The following ERC2 variants were observed in gnomAD, a reference collection of about 807,000 sequenced individuals.
ERC2 encodes the protein ELKS/RAB6-interacting/CAST family member 2.
In ERC2, 42 loss-of-function variants were observed where a neutral mutation model predicts 114.8. That is an observed-to-expected ratio of 0.37 (90% CI 0.29 to 0.47). The LOEUF is 0.47. Among genes scored for constraint, ERC2 ranks in the 20% least tolerant of loss-of-function variants. The pLI is 0.99. For synonymous variants in ERC2, 454 were observed against 425.5 expected (o/e 1.07, Z -0.82); for missense variants, 939 against 1,150.7 (o/e 0.82, Z 2.66).
chr3:56,085,771 T>C (rs895545542), intron 6 of ERC2, among the ~76,000 whole-genome samples: 1 of 152,196 alleles, frequency 6.6e-6, no homozygotes, highest in African/African-American at 2.4e-5. Context: ...ACACTCTGGA[T>C]TATAGCAGTG....
intron 7 of ERC2, among the ~76,000 whole-genome samples, chr3:56,075,833 T>G (rs1472561233): frequency 6.6e-6 from 1 of 152,188 alleles, no homozygotes; most frequent in African/African-American, 2.4e-5. Flanking sequence ...AGAGCTCAAG[T>G]GAGTCAAAAA....
chr3:55,854,016 T>A (rs370287211), intron 14 of ERC2, among the ~76,000 whole-genome samples: 1 of 152,186 alleles, frequency 6.6e-6, no homozygotes, highest in East Asian at 1.9e-4. Flanking sequence ...GGCTCACACC[T>A]GTAATCCCAG....
intron 14 of ERC2, among the ~76,000 whole-genome samples, chr3:55,857,758 C>A (rs2061855722): frequency 6.6e-6 from 1 of 152,182 alleles, no homozygotes; most frequent in Non-Finnish European, 1.5e-5. Flanking sequence ...AAAGAGATGT[C>A]TGGCAAGATC....
chr3:55,722,811 A>G lies in ERC2; in HGVS notation c.2712+11960T>C, dbSNP rs1208251787. On this transcript the variant is annotated intron_variant, in intron 15 of 17. Coordinates refer to ENST00000288221, the MANE Select transcript of ERC2 (RefSeq NM_015576.3). The stretch of plus-strand genomic sequence containing the variant: ...TGTAGTAGGATTCTGCCCCAAATCT[A>G]TGAGTGGCATGTTTTCAGAATGTAG... 3.3e-5 allele frequency among the ~76,000 whole-genome samples: 5 copies of G among 152,258 alleles called. No individual in the cohort carries two copies. The East Asian group carries it at 9.6e-4, about 29-fold the overall frequency.
chr3:55,810,877 T>C lies in ERC2; in HGVS notation c.2565-75959A>G, dbSNP rs75397557. ...TCTAGTATCATAAATGATTCTTTAA[T>C]AGATGTGGATATCCATGTACCTAGA... On this transcript the variant is annotated intron_variant, in intron 14 of 17. Transcript: ENST00000288221. Among the ~76,000 whole-genome samples, 500 of 152,342 alleles carry C rather than the reference T, an allele frequency of 3.3e-3. 3 individuals are homozygous for C. The highest frequency in any genetic ancestry group is 0.011 in the African/African-American group (478 of 41,572).
chr3:56,143,652 C>T (rs1424046964), intron 5 of ERC2, among the ~76,000 whole-genome samples: 3 of 152,170 alleles, frequency 2.0e-5, no homozygotes, highest in African/African-American at 7.2e-5. Context: ...ATAAATTACC[C>T]AGTCATGGGT....
intron 4 of ERC2, among the ~76,000 whole-genome samples, chr3:56,150,205 G>A (rs746101718): frequency 3.3e-5 from 5 of 152,018 alleles, no homozygotes; most frequent in Middle Eastern, 3.2e-3. Flanking sequence ...AAAAGACTAA[G>A]AACTCCAAAA....
At chr3:56,236,925 A>AAT (rs1237351182) in intron 3 of ERC2, among the ~76,000 whole-genome samples, 5 of 152,234 alleles carry the variant, frequency 3.3e-5, no homozygotes, top group African/African-American at 1.2e-4. Flanking sequence ...AACCAACACG[A>AAT]ATGTTGGTAA....
chr3:55,521,097 G>C (rs116704857), intron 17 of ERC2, among the ~76,000 whole-genome samples: 84 of 152,314 alleles, frequency 5.5e-4, no homozygotes, highest in African/African-American at 1.9e-3. Flanking sequence ...ATTTGAAGGC[G>C]CCCTTCCCGC....
At chr3:56,369,098 T>C (rs1253260778) in intron 2 of ERC2, among the ~76,000 whole-genome samples, 2 of 152,178 alleles carry the variant, frequency 1.3e-5, no homozygotes, top group African/African-American at 4.8e-5. Context: ...AAGAACCCTG[T>C]CTAATTCTGG....
intron 14 of ERC2, among the ~76,000 whole-genome samples, chr3:55,887,736 A>G (rs1306458817): frequency 6.6e-6 from 1 of 152,218 alleles, no homozygotes; most frequent in Non-Finnish European, 1.5e-5. Context: ...CACAGGAACA[A>G]CCATTTCCCA....
At chr3:56,266,258 G>C (rs1229633997) in intron 3 of ERC2, among the ~76,000 whole-genome samples, 2 of 149,650 alleles carry the variant, frequency 1.3e-5, no homozygotes, top group Non-Finnish European at 3.0e-5. Flanking sequence ...AGCCTACCGA[G>C]TAGCTGGGAC....
chr3:56,048,664 T>C (rs890735584), intron 7 of ERC2, among the ~76,000 whole-genome samples: 1 of 152,220 alleles, frequency 6.6e-6, no homozygotes, highest in Non-Finnish European at 1.5e-5. Flanking sequence ...TATATGTTTT[T>C]TGATTCATTC....
intron 17 of ERC2, among the ~76,000 whole-genome samples, chr3:55,534,370 C>T (rs1182412115): frequency 2.1e-5 from 3 of 145,064 alleles, no homozygotes; most frequent in African/African-American, 5.0e-5. Flanking sequence ...CGTACTCCAA[C>T]CTGGATGACA....
intron 3 of ERC2, among the ~76,000 whole-genome samples, chr3:56,197,347 T>C (rs2048167616): frequency 6.6e-6 from 1 of 152,224 alleles, no homozygotes; most frequent in Non-Finnish European, 1.5e-5. Flanking sequence ...TGATCACAGC[T>C]TTCTGAAACT....
chr3:56,146,005 G>C (rs2149938353), intron 5 of ERC2, among the ~76,000 whole-genome samples: 1 of 152,214 alleles, frequency 6.6e-6, no homozygotes, highest in Non-Finnish European at 1.5e-5. Flanking sequence ...AGTAGAATTG[G>C]GCTGGGTGTG....
At chr3:56,402,203 AG>A (rs1483342004) in intron 2 of ERC2, among the ~76,000 whole-genome samples, 1 of 152,212 alleles carries the variant, frequency 6.6e-6, no homozygotes, top group Non-Finnish European at 1.5e-5. Flanking sequence ...CAGTGTGCCC[AG>A]AGTGGCAGCT....
chr3:55,850,877 C>CACACACAG (rs1445071757), intron 14 of ERC2, among the ~76,000 whole-genome samples: 1 of 151,380 alleles, frequency 6.6e-6, no homozygotes, highest in African/African-American at 2.4e-5. Context: ...CACACACACA[C>CACACACAG]ACACACACAC....
chr3:56,172,627 G>A (rs542141661), intron 4 of ERC2, among the ~76,000 whole-genome samples: 1 of 152,284 alleles, frequency 6.6e-6, no homozygotes, highest in Non-Finnish European at 1.5e-5. Context: ...CAAACATCTT[G>A]ATTATAAACT....
Sources: gnomAD v4.1 joint callset for allele counts (sites outside exome capture counted in the v4.1 genomes callset) on GRCh38, gnomAD v4.1.1 for gene constraint, MANE v1.5 for transcripts, NCBI Gene and HGNC (gene_info 2026-07-23, HGNC 2026-07-21) for gene names.